The following IL20RA variants were observed in gnomAD, a reference collection of about 807,000 sequenced individuals.
IL20RA encodes the protein interleukin-20 receptor subunit alpha.
A neutral mutation model predicts 36.5 loss-of-function variants in IL20RA; 29 were observed. The ratio of observed to expected loss-of-function variants is 0.79; its 90% CI spans 0.59 to 1.08. IL20RA has a LOEUF of 1.08. IL20RA is among the 50% of genes least tolerant of loss of function. IL20RA has a pLI of 0.00. For missense variants in IL20RA, 652 were observed against 668.4 expected, an observed-to-expected ratio of 0.98 and a Z score of 0.27; for synonymous variants, 279 against 267.1, an observed-to-expected ratio of 1.04 and a Z score of -0.43.
intron 5 of IL20RA, among the ~76,000 whole-genome samples, chr6:137,005,538 C>T (rs1424342939): frequency 6.6e-6 from 1 of 152,184 alleles, no homozygotes; most frequent in Non-Finnish European, 1.5e-5. Flanking sequence ...TGTTAAGCCA[C>T]TGTGGTATAC....
chr6:137,005,840 A>T lies in IL20RA; in HGVS notation c.725-1080T>A, dbSNP rs530042469. On this transcript the variant is annotated intron_variant, in intron 5 of 6. Transcript: ENST00000316649. ...GTCTACCTTTGGGTGCGAACTGCAA[A>T]CATCAACTCTTCCGTGGGTCTCCAG... is the stretch of plus-strand genomic sequence containing the variant. Among the ~76,000 whole-genome samples, 8 of 152,264 alleles carry T rather than the reference A, an allele frequency of 5.3e-5. No individual in the cohort carries two copies. In the East Asian group the frequency reaches 1.5e-3, roughly 29 times the overall value.
At chr6:137,044,108 T>C (rs1299291741) in intron 1 of IL20RA, 32 of 985,464 alleles carry the variant, frequency 3.2e-5, no homozygotes, top group Non-Finnish European at 3.9e-5. Flanking sequence ...AAGCTGCGTC[T>C]TTCTGGATCA....
rs754362456 is a variant in IL20RA, at chr6:137,002,043, G to T, written c.1177C>A (p.Pro393Thr). ...TATTCAATGACTGTTTTATCCGGGG[G>T]TATTGTTCTGCTGAGGGACTCTTGC... ...TQQESLSRTI[P>T]PDKTVIEYEY... The change falls in exon 7 of 7, where the codon CCC becomes ACC. Residue 393 changes from proline (P) to threonine (T), a missense_variant. Coordinates refer to ENST00000316649, the MANE Select transcript of IL20RA (RefSeq NM_014432.4). 1.9e-6 allele frequency: 3 copies of T among 1,614,136 alleles called. No individual in the cohort carries two copies. The highest frequency in any genetic ancestry group is 2.2e-5 in the South Asian group (2 of 91,076).
At chr6:137,044,577 C>T in intron 1 of IL20RA, 64 bp downstream of exon 1, 1 of 1,212,382 alleles carries the variant, frequency 8.2e-7, no homozygotes, top group Non-Finnish European at 1.0e-6. Flanking sequence ...GCCTCGAGCT[C>T]TGCCTGGCGG....
Position 137,001,998 on chromosome 6 carries a change from T to C in IL20RA, c.1222A>G (p.Thr408Ala). ...VIEYEYDVRT[T>A]DICAGPEEQE... ...TCTTCAGGCCCCGCACAAATGTCAG[T>C]GGTTCTGACATCATATTCATATTCA... The change falls in exon 7 of 7, where the codon ACT (threonine) becomes GCT (alanine). Residue 408 changes from threonine (T) to alanine (A), a missense_variant. Thr to Ala is a moderately conservative substitution (Grantham distance 58, BLOSUM62 0). Transcript: ENST00000316649. The C allele has an allele frequency of 6.2e-7, 1 of 1,614,136 alleles. No individual in the cohort carries two copies. The highest frequency in any genetic ancestry group is 8.5e-7 in the Non-Finnish European group (1 of 1,179,948).
intron 1 of IL20RA, among the ~76,000 whole-genome samples, chr6:137,027,866 A>T (rs993422391): frequency 3.3e-5 from 5 of 152,222 alleles, no homozygotes; most frequent in Non-Finnish European, 7.3e-5. Flanking sequence ...ACTTACATTT[A>T]GGTAAGTGGG....
chr6:137,008,229 T>G (rs1267564647), intron 5 of IL20RA, among the ~76,000 whole-genome samples: 2 of 152,210 alleles, frequency 1.3e-5, no homozygotes, highest in Non-Finnish European at 1.5e-5. Context: ...CCTCCCAAAG[T>G]GCTGAAATTT....
chr6:137,007,285 G>A (rs1775312570), intron 5 of IL20RA, among the ~76,000 whole-genome samples: 1 of 152,198 alleles, frequency 6.6e-6, no homozygotes, highest in African/African-American at 2.4e-5. Flanking sequence ...TAAAAGAAAA[G>A]CTATGATAAA....
chr6:137,039,391 T>C (rs529538145), intron 1 of IL20RA, among the ~76,000 whole-genome samples: 9 of 152,212 alleles, frequency 5.9e-5, no homozygotes, highest in Non-Finnish European at 4.4e-5. Flanking sequence ...TGCAAATCTA[T>C]AGATAAGAAA....
At chr6:137,019,990 T>A (rs1775841549) in intron 1 of IL20RA, among the ~76,000 whole-genome samples, 1 of 152,196 alleles carries the variant, frequency 6.6e-6, no homozygotes, top group African/African-American at 2.4e-5. Context: ...TGTGCCTGGG[T>A]TGGTCTGTGT....
chr6:137,030,365 C>T (rs1000591930), intron 1 of IL20RA, among the ~76,000 whole-genome samples: 2 of 152,086 alleles, frequency 1.3e-5, no homozygotes, highest in Non-Finnish European at 1.5e-5. Flanking sequence ...GGATGACAGG[C>T]ATGAGCCACC....
intron 1 of IL20RA, among the ~76,000 whole-genome samples, chr6:137,038,824 G>T (rs149948120): frequency 1.3e-5 from 2 of 152,030 alleles, no homozygotes; most frequent in African/African-American, 4.8e-5. Context: ...AAAATGTAAC[G>T]CATATAATGA....
At chr6:137,037,352 C>G (rs1164457763) in intron 1 of IL20RA, among the ~76,000 whole-genome samples, 1 of 152,184 alleles carries the variant, frequency 6.6e-6, no homozygotes, top group African/African-American at 2.4e-5. Flanking sequence ...AAAAATTGTC[C>G]TTTCAGCAAA....
chr6:137,043,246 T>C (rs564318412), intron 1 of IL20RA, among the ~76,000 whole-genome samples: 1 of 152,212 alleles, frequency 6.6e-6, no homozygotes, highest in Non-Finnish European at 1.5e-5. Context: ...CCACCACGTC[T>C]GGCTAGTTTT....
Position 137,001,567 on chromosome 6 carries a change from C to T in IL20RA, c.1653G>A (p.Met551Ile). ...FMEEWGLYVQ[M>I]EN ...AAAGGAAGTGTTGGCATCAGTTTTC[C>T]ATCTGCACATATAACCCCCATTCCT... Residue 551 changes from methionine (M) to isoleucine (I), a missense_variant, in exon 7 of 7, where the codon ATG becomes ATA. Coordinates refer to ENST00000316649, the MANE Select transcript of IL20RA (RefSeq NM_014432.4). 1 of 1,549,518 alleles carries T rather than the reference C, an allele frequency of 6.5e-7. No individual in the cohort carries two copies. Among genetic ancestry groups the T allele is most frequent in the South Asian group, 1.2e-5 (1 of 82,156 alleles).
chr6:137,019,711 C>A (rs1355026204), intron 1 of IL20RA, among the ~76,000 whole-genome samples: 1 of 152,064 alleles, frequency 6.6e-6, no homozygotes, highest in African/African-American at 2.4e-5. Context: ...AAATGCTATG[C>A]CAATTGTTGA....
intron 1 of IL20RA, among the ~76,000 whole-genome samples, chr6:137,033,491 C>T (rs1221994445): frequency 6.6e-6 from 1 of 152,222 alleles, no homozygotes; most frequent in Non-Finnish European, 1.5e-5. Context: ...AGTGGTTTAG[C>T]ACCACCCGCT....
chr6:137,010,729 A>C (rs776853691), intron 3 of IL20RA, among the ~76,000 whole-genome samples: 4 of 152,232 alleles, frequency 2.6e-5, no homozygotes, highest in African/African-American at 7.2e-5. Context: ...ATACAAGAAG[A>C]AGCATAGTGG....
At chr6:137,022,153 G>A (rs1022848033) in intron 1 of IL20RA, among the ~76,000 whole-genome samples, 1 of 152,142 alleles carries the variant, frequency 6.6e-6, no homozygotes, top group Admixed American at 6.5e-5. Context: ...AATAATTTGG[G>A]AATTTAAAAA....
Sources: allele counts gnomAD v4.1 joint callset (sites outside exome capture counted in the v4.1 genomes callset), GRCh38; gene constraint gnomAD v4.1.1; transcripts MANE v1.5; gene names NCBI Gene and HGNC (gene_info 2026-07-23, HGNC 2026-07-21).